The following FAM186A variants were observed in gnomAD, a reference collection of about 807,000 sequenced individuals.
The protein encoded by FAM186A is protein FAM186A.
Under a neutral mutation model 216.8 loss-of-function variants are expected in FAM186A, and 163 were observed. The observed-to-expected ratio is 0.75, with a 90% CI of 0.66 to 0.86. The LOEUF is 0.86. Among genes scored for constraint, FAM186A ranks in the 40% least tolerant of loss-of-function variants. The pLI is 0.00. For missense variants in FAM186A, 2,184 were observed against 2,746.2 expected (o/e 0.80, Z 4.58); for synonymous variants, 805 against 1,025.3 (o/e 0.79, Z 4.10).
Position 50,353,109 on chromosome 12 carries a change from G to A in FAM186A, c.3723C>T (p.Ile1241=), listed in dbSNP as rs771669184. 6 of 1,527,118 alleles carry A rather than the reference G, an allele frequency of 3.9e-6. No individual in the cohort carries two copies. The highest frequency in any genetic ancestry group is 1.2e-5 in the South Asian group (1 of 82,704). The allele number at this position is 1,527,118 out of a possible 1,614,324, so 94.6% of individuals were successfully genotyped here. A position where few individuals can be genotyped will look rare whatever the true frequency, so the allele number is the denominator to read the frequency against. The part of the protein sequence containing the change: ...LTLQQAQQLG[I]PLTPQQAQAL... ...CCTGCGCCTGCTGAGGGGTGAGAGG[G>A]ATCCCCAATTGCTGGGCCTGCTGAA... Residue 1241 remains isoleucine, a synonymous_variant, in exon 4 of 8, where the codon ATC becomes ATT. Transcript: ENST00000327337.
At position 50,351,541 on chromosome 12, in the gene FAM186A, C is replaced by G. The variant is rs1459674075; in HGVS notation, c.5291G>C (p.Arg1764Thr). 1 of 1,534,556 alleles carries G rather than the reference C, an allele frequency of 6.5e-7. No homozygotes were observed. Among genetic ancestry groups the G allele is most frequent in the Admixed American group, 2.1e-5 (1 of 48,210 alleles). The change falls in exon 4 of 8, where the codon AGG becomes ACG. Residue 1764 changes from arginine (R) to threonine (T), a missense_variant. This residue lies in a region of FAM186A where 721 missense variants were observed against 816.4 expected (regional missense o/e 0.88). Transcript: ENST00000327337. Reference sequence around the variant, plus strand: ...AAAGGGGCCTTGGTTGAGGGGAACCCTTGATATCTGCAAAGGAGTAGAAGA... The same window carrying G: ...AAAGGGGCCTTGGTTGAGGGGAACCGTTGATATCTGCAAAGGAGTAGAAGA... ...GVSSTPLQISRVPLNQGPFAP... is the reference protein window; with the variant it reads ...GVSSTPLQISTVPLNQGPFAP...
intron 3 of FAM186A, among the ~76,000 whole-genome samples, chr12:50,357,315 C>T (rs541098004): frequency 1.4e-3 from 206 of 151,832 alleles, no homozygotes; most frequent in African/African-American, 4.9e-3. Context: ...TCGTGACCAG[C>T]CTGGCCAATA....
In FAM186A at chr12:50,352,817, G is replaced by C. The variant is rs1170344765; in HGVS notation, c.4015C>G (p.Leu1339Val). The C allele has an allele frequency of 1.2e-5, 19 of 1,548,256 alleles. No homozygotes were observed. The highest frequency in any genetic ancestry group is 3.9e-5 in the Admixed American group (2 of 50,678). ...AAGGCCTGGGCCTGCTGAGGGGTGA[G>C]AGTGATCTCCTGAGTCTGCGCCTGC... is the stretch of plus-strand genomic sequence containing the variant. ...PQQAQTQEIT[L>V]TPQQAQALGM... Residue 1339 changes from leucine to valine, a missense_variant, in exon 4 of 8, where the codon CTC becomes GTC. Coordinates refer to ENST00000327337, the MANE Select transcript of FAM186A (RefSeq NM_001145475.3).
At chr12:50,349,436 C>G (rs997514900) in intron 4 of FAM186A, among the ~76,000 whole-genome samples, 4 of 151,930 alleles carry the variant, frequency 2.6e-5, no homozygotes, top group African/African-American at 9.7e-5. Flanking sequence ...TGATCCTCCC[C>G]CCTCAGACTT....
At chr12:50,341,310 CTT>C (rs1379719117) in intron 4 of FAM186A, among the ~76,000 whole-genome samples, 4 of 152,042 alleles carry the variant, frequency 2.6e-5, no homozygotes, top group Non-Finnish European at 5.9e-5. Context: ...CCTAGCCATC[CTT>C]GTCATAAAAT....
chr12:50,357,691 C>G (rs905485205), intron 3 of FAM186A, among the ~76,000 whole-genome samples: 13 of 152,092 alleles, frequency 8.5e-5, no homozygotes, highest in Non-Finnish European at 1.5e-4. Context: ...GAAAAACTAC[C>G]GAACCTCAGT....
At position 50,353,988 on chromosome 12, in the gene FAM186A, C is replaced by T; in HGVS notation, c.2844G>A (p.Gln948=). 9 of 1,552,140 alleles carry T rather than the reference C, an allele frequency of 5.8e-6. No individual in the cohort carries two copies. Among genetic ancestry groups the T allele is most frequent in the Non-Finnish European group, 7.0e-6 (8 of 1,147,238 alleles). ...LLEKENGQMR[Q]IQKEAKHLGP... ...CCAAATGTTTCGCTTCCTTCTGAAT[C>T]TGCCTCATCTGTCCATTCTCCTTTT... Residue 948 remains glutamine, a synonymous_variant, in exon 4 of 8, where the codon CAG becomes CAA. Transcript: ENST00000327337.
At position 50,345,652 on chromosome 12, in the gene FAM186A, G is replaced by T. The variant is rs117159234; in HGVS notation, c.6503+4677C>A. ...TTGTTGACTTTGTCCACAATTAGAT[G>T]ATTGTGGGTATGGGGCTTTATTTCT... On this transcript the variant is annotated intron_variant, in intron 4 of 7. Transcript: ENST00000327337. 5.3e-4 allele frequency among the ~76,000 whole-genome samples: 80 copies of T among 152,226 alleles called. No homozygotes were observed. The East Asian group carries it at 0.015, about 28-fold the overall frequency.
chr12:50,382,297 C>T lies in FAM186A; in HGVS notation c.192+13996G>A, dbSNP rs113289112. ...TCTTGTCCACACATGCTTAGAGATA[C>T]GAGTAGGCTGGTCAACTTAAGCATG... On this transcript the variant is annotated intron_variant, in intron 1 of 7. Coordinates refer to ENST00000327337, the MANE Select transcript of FAM186A (RefSeq NM_001145475.3). Among the ~76,000 whole-genome samples the T allele has an allele frequency of 2.6e-3, 392 of 148,274 alleles. 2 individuals carry two copies. Among genetic ancestry groups the T allele is most frequent in the African/African-American group, 8.7e-3 (349 of 40,066 alleles).
At position 50,351,412 on chromosome 12, in the gene FAM186A, T is replaced by C. The variant is rs1390955903; in HGVS notation, c.5420A>G (p.Gln1807Arg). 1.4e-6 allele frequency: 2 copies of C among 1,466,980 alleles called. No individual in the cohort carries two copies. Among genetic ancestry groups the C allele is most frequent in the East Asian group, 2.5e-5 (1 of 40,398 alleles). The allele number at this position is 1,466,980 out of a possible 1,614,324, so 90.9% of individuals were successfully genotyped here. A position where few individuals can be genotyped will look rare whatever the true frequency, so the allele number is the denominator to read the frequency against. Residue 1807 changes from glutamine (Q) to arginine (R), a missense_variant, in exon 4 of 8, where the codon CAA becomes CGA. This residue lies in a region of FAM186A where 721 missense variants were observed against 816.4 expected (regional missense o/e 0.88). Transcript: ENST00000327337. Reference protein sequence around the residue: ...SSGQTLVYGGQSTSAQFPAPQ... With the variant: ...SSGQTLVYGGRSTSAQFPAPQ... The stretch of plus-strand genomic sequence containing the variant: ...TGCCGGGAACTGCGCAGAAGTGGAT[T>C]GACCTCCGTATACCAGGGTCTGTCC...
chr12:50,335,584 C>A (rs1278465714), intron 4 of FAM186A, among the ~76,000 whole-genome samples: 2 of 151,170 alleles, frequency 1.3e-5, no homozygotes, highest in Non-Finnish European at 2.9e-5. Context: ...ACAGAGGTTG[C>A]AGTGAGCCGA....
chr12:50,372,793 T>G (rs1943153778), intron 1 of FAM186A, among the ~76,000 whole-genome samples: 1 of 149,272 alleles, frequency 6.7e-6, no homozygotes, highest in South Asian at 2.1e-4. Context: ...TCCCAGGTAC[T>G]TGGGAGTATG....
At position 50,369,642 on chromosome 12, in the gene FAM186A, C is replaced by T. The variant is rs189457488; in HGVS notation, c.193-6278G>A. On this transcript the variant is annotated intron_variant, in intron 1 of 7. Coordinates refer to ENST00000327337, the MANE Select transcript of FAM186A (RefSeq NM_001145475.3). ...TGTATATCCACTAAGGGTTAATATCCACAATATATAAATAACTTGTACAAA... is the reference window on the plus strand; with the variant it reads ...TGTATATCCACTAAGGGTTAATATCTACAATATATAAATAACTTGTACAAA... Among the ~76,000 whole-genome samples the T allele has an allele frequency of 4.2e-3, 641 of 151,916 alleles. 4 individuals are homozygous for T. Among genetic ancestry groups the T allele is most frequent in the African/African-American group, 0.014 (571 of 41,416 alleles).
intron 1 of FAM186A, 58 bp from the exon 2 acceptor site, chr12:50,363,422 ATCTT>A: frequency 1.4e-6 from 2 of 1,391,892 alleles, no homozygotes; most frequent in Non-Finnish European, 2.0e-6. Context: ...AGCTTTGGTC[ATCTT>A]TCTTCTCAGA....
intron 4 of FAM186A, among the ~76,000 whole-genome samples, chr12:50,334,980 TG>T (rs1282840746): frequency 3.9e-5 from 6 of 152,172 alleles, no homozygotes. Flanking sequence ...TTAAAAATTA[TG>T]CCAGGTGAAG....
chr12:50,331,968 A>C, intron 5 of FAM186A, 147 bp from the exon 6 acceptor site: 2 of 653,022 alleles, frequency 3.1e-6, no homozygotes, highest in Non-Finnish European at 4.9e-6. Flanking sequence ...CACCTCCAAC[A>C]TGCATCATTT....
Position 50,351,814 on chromosome 12 carries a change from G to A in FAM186A, c.5018C>T (p.Ser1673Phe). The A allele has an allele frequency of 2.6e-6, 4 of 1,546,956 alleles. No individual in the cohort carries two copies. The highest frequency in any genetic ancestry group is 3.5e-6 in the Non-Finnish European group (4 of 1,144,486). ...LTSEQTHALE[S>F]PMNLEQAQEQ... ...TTGAGCCTGTTCTAAGTTCATAGGG[G>A]ACTCCAAAGCGTGGGTTTGCTCAGA... is the stretch of plus-strand genomic sequence containing the variant. The change falls in exon 4 of 8, where the codon TCC (serine) becomes TTC (phenylalanine). Residue 1673 changes from serine (S) to phenylalanine (F), a missense_variant. By Grantham distance (155) the Ser-to-Phe change is radical. Transcript: ENST00000327337.
intron 4 of FAM186A, among the ~76,000 whole-genome samples, chr12:50,335,229 C>T (rs1224856292): frequency 6.6e-6 from 1 of 152,120 alleles, no homozygotes; most frequent in African/African-American, 2.4e-5. Flanking sequence ...TTACATTCAC[C>T]TTTTTGTTAA....
intron 1 of FAM186A, among the ~76,000 whole-genome samples, chr12:50,391,053 A>T (rs1020301884): frequency 5.9e-5 from 9 of 151,502 alleles, no homozygotes; most frequent in Admixed American, 5.3e-4. Context: ...TAGTGGTGCG[A>T]TTGTGGCTCA....
Sources: allele counts gnomAD v4.1 joint callset (sites outside exome capture counted in the v4.1 genomes callset), GRCh38; gene constraint gnomAD v4.1.1; regional missense constraint gnomAD v4.1.1; transcripts MANE v1.5; gene names NCBI Gene and HGNC (gene_info 2026-07-23, HGNC 2026-07-21).